NT5E: variants seen among roughly 807,000 people sequenced by gnomAD.
NT5E encodes the protein 5'-nucleotidase.
Under a neutral mutation model 55.1 loss-of-function variants are expected in NT5E, and 53 were observed. That is an observed-to-expected ratio of 0.96 (90% CI 0.77 to 1.21). The LOEUF is 1.21. Ranked by LOEUF, NT5E falls within the 50% of genes most tolerant of loss-of-function variation. The pLI is 0.00. For missense variants in NT5E, 683 were observed against 724.3 expected (o/e 0.94, Z 0.65); for synonymous variants, 270 against 278.4 (o/e 0.97, Z 0.30).
chr6:85,491,896 A>G (rs554065954), intron 7 of NT5E, 81 bp from the exon 8 acceptor site: 143 of 1,250,900 alleles, frequency 1.1e-4, no homozygotes, highest in South Asian at 3.4e-4. Context: ...CCATGCCCCA[A>G]TTGTAGAGTT....
At chr6:85,472,911 T>C (rs1285450419) in intron 3 of NT5E, among the ~76,000 whole-genome samples, 3 of 152,168 alleles carry the variant, frequency 2.0e-5, no homozygotes, top group Non-Finnish European at 4.4e-5. Context: ...AGTAGGGCTT[T>C]TTTTTTTGAC....
At chr6:85,473,254 T>G (rs755905703) in intron 3 of NT5E, among the ~76,000 whole-genome samples, 11 of 152,184 alleles carry the variant, frequency 7.2e-5, no homozygotes, top group Non-Finnish European at 1.6e-4. Context: ...TTTCAATGCC[T>G]GATTACCCTC....
intron 3 of NT5E, among the ~76,000 whole-genome samples, chr6:85,476,393 G>A (rs773995264): frequency 6.6e-6 from 1 of 152,232 alleles, no homozygotes; most frequent in Non-Finnish European, 1.5e-5. Context: ...AGAGCACATA[G>A]GTGAGTGGGT....
intron 8 of NT5E, 41 bp from the exon 9 acceptor site, chr6:85,493,799 AT>A: frequency 6.4e-7 from 1 of 1,551,970 alleles, no homozygotes; most frequent in Non-Finnish European, 8.9e-7. Context: ...TTGATTGATA[AT>A]TACCTTTTCT....
chr6:85,454,170 C>T (rs1207689021), intron 1 of NT5E, among the ~76,000 whole-genome samples: 2 of 152,224 alleles, frequency 1.3e-5, no homozygotes, highest in East Asian at 3.9e-4. Flanking sequence ...AATAATGCTG[C>T]TCCAGATATC....
intron 3 of NT5E, among the ~76,000 whole-genome samples, chr6:85,480,156 T>G (rs1261260188): frequency 3.3e-5 from 5 of 152,182 alleles, no homozygotes; most frequent in Admixed American, 2.0e-4. Context: ...TGTCCCTACC[T>G]ACAGGGTTCC....
At chr6:85,460,759 A>G (rs1281268662) in intron 1 of NT5E, among the ~76,000 whole-genome samples, 1 of 152,204 alleles carries the variant, frequency 6.6e-6, no homozygotes, top group African/African-American at 2.4e-5. Context: ...GAAAGAAATC[A>G]TGAGAACACT....
At chr6:85,466,960 T>C in intron 1 of NT5E, 100 bp from the exon 2 acceptor site, 1 of 1,126,986 alleles carries the variant, frequency 8.9e-7, no homozygotes, top group Non-Finnish European at 1.3e-6. Context: ...CACAAAATCA[T>C]GCAATATGTC....
At chr6:85,456,509 G>A (rs1273477804) in intron 1 of NT5E, among the ~76,000 whole-genome samples, 1 of 152,188 alleles carries the variant, frequency 6.6e-6, no homozygotes, top group Non-Finnish European at 1.5e-5. Context: ...TCCAGGTAGA[G>A]AATGTCAGAA....
chr6:85,472,215 A>G (rs1769328241), intron 3 of NT5E, among the ~76,000 whole-genome samples: 1 of 152,234 alleles, frequency 6.6e-6, no homozygotes, highest in Admixed American at 6.5e-5. Flanking sequence ...ATTCGCAAAG[A>G]AGGCTTTGGC....
chr6:85,486,411 C>A (rs564468638), intron 4 of NT5E, among the ~76,000 whole-genome samples: 66 of 152,218 alleles, frequency 4.3e-4, no homozygotes, highest in Non-Finnish European at 7.3e-4. Context: ...GAGGGGAGTA[C>A]GCCTTAACCC....
intron 3 of NT5E, among the ~76,000 whole-genome samples, chr6:85,476,147 G>C (rs1249004255): frequency 6.6e-6 from 1 of 152,100 alleles, no homozygotes; most frequent in African/African-American, 2.4e-5. Flanking sequence ...TGTCCATGTG[G>C]GTAGTTGATC....
Position 85,467,105 on chromosome 6 carries a change from G to C in NT5E, c.385G>C (p.Glu129Gln), listed in dbSNP as rs764627543. 2 of 1,614,044 alleles carry C rather than the reference G, an allele frequency of 1.2e-6. No individual in the cohort carries two copies. The highest frequency in any genetic ancestry group is 3.3e-5 in the Admixed American group (2 of 60,018). Reference sequence around the variant, plus strand: ...TGATAATGGTGTGGAAGGACTGATCGAGCCACTCCTCAAAGAGGCCAAATT... The same window carrying C: ...TGATAATGGTGTGGAAGGACTGATCCAGCCACTCCTCAAAGAGGCCAAATT... ...EFDNGVEGLI[E>Q]PLLKEAKFPI... The change falls in exon 2 of 9, where the codon GAG (glutamate) becomes CAG (glutamine). Residue 129 changes from glutamate to glutamine, a missense_variant. Coordinates refer to ENST00000257770, the MANE Select transcript of NT5E (RefSeq NM_002526.4).
intron 2 of NT5E, among the ~76,000 whole-genome samples, chr6:85,468,635 A>C (rs1769242406): frequency 6.6e-6 from 1 of 152,220 alleles, no homozygotes; most frequent in Non-Finnish European, 1.5e-5. Context: ...AGAACAGCAG[A>C]TAGTTCCATT....
rs76233879 is a variant in NT5E at position 85,455,346 on chromosome 6, A to G, written c.339+4868A>G. Among the ~76,000 whole-genome samples, 1,389 of 152,310 alleles carry G rather than the reference A, an allele frequency of 9.1e-3. 15 individuals are homozygous for G. Among genetic ancestry groups the G allele is most frequent in the African/African-American group, 0.031 (1,303 of 41,566 alleles). ...GCAAGTCCAAGAGATTAGGGGATCA[A>G]AGAGTTGGAACTTTCGGTACCACCC... On this transcript the variant is annotated intron_variant, in intron 1 of 8. Coordinates refer to ENST00000257770, the MANE Select transcript of NT5E (RefSeq NM_002526.4).
intron 3 of NT5E, among the ~76,000 whole-genome samples, 174 bp from the exon 4 acceptor site, chr6:85,485,061 G>A (rs976731011): frequency 6.6e-6 from 1 of 152,194 alleles, no homozygotes; most frequent in African/African-American, 2.4e-5. Flanking sequence ...GTACCAAAAG[G>A]GCATTTGGAA....
At chr6:85,488,801 G>A (rs1347924853) in intron 5 of NT5E, among the ~76,000 whole-genome samples, 2 of 150,306 alleles carry the variant, frequency 1.3e-5, no homozygotes, top group South Asian at 2.1e-4. Context: ...GACTGGTCTC[G>A]AACTCCTGAC....
At chr6:85,481,547 T>C (rs771474445) in intron 3 of NT5E, among the ~76,000 whole-genome samples, 7 of 152,236 alleles carry the variant, frequency 4.6e-5, no homozygotes, top group Non-Finnish European at 1.0e-4. Context: ...TAGGTGCTTT[T>C]GCTTTTTTTC....
At chr6:85,491,305 C>A in intron 7 of NT5E, 1 of 328,704 alleles carries the variant, frequency 3.0e-6, no homozygotes, top group Non-Finnish European at 6.0e-6. Context: ...CCTTTAAAAG[C>A]AATCTTATTT....
Sources: allele counts gnomAD v4.1 joint callset (sites outside exome capture counted in the v4.1 genomes callset), GRCh38; gene constraint gnomAD v4.1.1; transcripts MANE v1.5; gene names NCBI Gene and HGNC (gene_info 2026-07-23, HGNC 2026-07-21).